Variants in USH2A observed in about 807,000 individuals in gnomAD.
USH2A encodes the protein Usher syndrome 2A (autosomal recessive, mild).
In USH2A, 443 loss-of-function variants were observed where a neutral mutation model predicts 538.9. That is an observed-to-expected ratio of 0.82 (90% CI 0.76 to 0.89). USH2A has a LOEUF of 0.89. USH2A is among the 40% of genes least tolerant of loss of function. USH2A has a pLI of 0.00. For synonymous variants in USH2A, 2,413 were observed against 2,273.5 expected, an observed-to-expected ratio of 1.06 and a Z score of -1.75; for missense variants, 6,633 against 6,324.8, an observed-to-expected ratio of 1.05 and a Z score of -1.65.
intron 5 of USH2A, among the ~76,000 whole-genome samples, chr1:216,326,554 TTAC>T (rs1423084240): frequency 1.3e-5 from 2 of 152,182 alleles, no homozygotes; most frequent in African/African-American, 4.8e-5. Flanking sequence ...TCCCAAAGAA[TTAC>T]TACAACATTG....
chr1:216,237,398 G>A (rs2035846060), intron 13 of USH2A, among the ~76,000 whole-genome samples: 1 of 150,520 alleles, frequency 6.6e-6, no homozygotes, highest in South Asian at 2.1e-4. Context: ...GATAAATATT[G>A]AGTTAGTTAT....
intron 55 of USH2A, among the ~76,000 whole-genome samples, chr1:215,770,402 G>A (rs1378073808): frequency 1.3e-5 from 2 of 151,466 alleles, no homozygotes; most frequent in Non-Finnish European, 1.5e-5. Flanking sequence ...ATACACTGTA[G>A]TTGCTCAAAA....
intron 61 of USH2A, among the ~76,000 whole-genome samples, chr1:215,725,764 C>T (rs896856292): frequency 6.6e-6 from 1 of 152,030 alleles, no homozygotes; most frequent in African/African-American, 2.4e-5. Context: ...AAATGAAAGC[C>T]ACATCAGGGA....
intron 21 of USH2A, among the ~76,000 whole-genome samples, chr1:216,149,507 G>A (rs2033790703): frequency 1.3e-5 from 2 of 152,082 alleles, no homozygotes; most frequent in South Asian, 4.1e-4. Flanking sequence ...AACTTAAAAA[G>A]GATTGGACAG....
intron 21 of USH2A, among the ~76,000 whole-genome samples, chr1:216,167,062 C>T (rs377026597): frequency 7.9e-5 from 12 of 152,030 alleles, no homozygotes; most frequent in African/African-American, 2.9e-4. Flanking sequence ...ACTGAGCCTC[C>T]CTTTTCAAAG....
chr1:216,097,765 A>G (rs1299171647), intron 21 of USH2A, among the ~76,000 whole-genome samples: 2 of 152,182 alleles, frequency 1.3e-5, no homozygotes, highest in East Asian at 3.9e-4. Context: ...AGCACATACT[A>G]GCCCTGCATA....
intron 13 of USH2A, among the ~76,000 whole-genome samples, chr1:216,239,305 C>T (rs1404044015): frequency 1.3e-5 from 2 of 152,082 alleles, no homozygotes; most frequent in African/African-American, 2.4e-5. Flanking sequence ...GAACACAACG[C>T]TTTTCGTAAG....
At chr1:216,275,773 G>A (rs1002459828) in intron 11 of USH2A, among the ~76,000 whole-genome samples, 3 of 152,232 alleles carry the variant, frequency 2.0e-5, no homozygotes, top group Non-Finnish European at 4.4e-5. Flanking sequence ...TGAGGAATGT[G>A]TCGATTCCAA....
intron 46 of USH2A, among the ~76,000 whole-genome samples, chr1:215,839,401 A>G (rs12402107): frequency 0.04 from 6,020 of 152,292 alleles, 147 homozygotes; most frequent in African/African-American, 0.069. Flanking sequence ...TCATAACTCC[A>G]TTTAAACAAA....
At position 215,693,092 on chromosome 1, in the gene USH2A, A is replaced by ATATATATGTGTG. The variant is rs371000210; in HGVS notation, c.12067-12717_12067-12716insCACACATATATA. 1.9e-3 allele frequency among the ~76,000 whole-genome samples: 245 copies of ATATATATGTGTG among 131,674 alleles called. 3 individuals carry two copies. The highest frequency in any genetic ancestry group is 6.8e-3 in the African/African-American group (236 of 34,820). 86.4% of individuals were successfully genotyped at this position (131,674 alleles called of 152,430 possible). Reference sequence around the variant, plus strand: ...TTTGTGTGTGTATATATATATATATATGTGTGTGTGTGTGTGTGTATGTGT... The same window carrying ATATATATGTGTG: ...TTTGTGTGTGTATATATATATATATATATATATGTGTGTGTGTGTGTGTGTGTGTGTATGTGT... On this transcript the variant is annotated intron_variant, in intron 61 of 71. Transcript: ENST00000307340.
chr1:216,000,292 A>T lies in USH2A; in HGVS notation c.6485+111T>A, dbSNP rs1668235757. 11 of 1,419,174 alleles carry T rather than the reference A, an allele frequency of 7.8e-6. No individual in the cohort carries two copies. The South Asian group carries it at 1.3e-4, about 17-fold the overall frequency. 87.9% of individuals were successfully genotyped at this position (1,419,174 alleles called of 1,614,324 possible). A position where few individuals can be genotyped will look rare whatever the true frequency, so the allele number is the denominator to read the frequency against. On this transcript the variant is annotated intron_variant, in intron 33 of 71. Coordinates refer to ENST00000307340, the MANE Select transcript of USH2A (RefSeq NM_206933.4). The stretch of plus-strand genomic sequence containing the variant: ...CAGATCCACTGAACTAATCACTTCT[A>T]TGCATTTAATCACAATAAAATTAAT...
At chr1:215,821,464 T>C (rs113042941) in intron 47 of USH2A, among the ~76,000 whole-genome samples, 3,675 of 151,852 alleles carry the variant, frequency 0.024, 56 homozygotes, top group Non-Finnish European at 0.028. Flanking sequence ...TTTGTTTTTG[T>C]TTTTTGCTTT....
chr1:215,900,043 A>T (rs771866867), intron 40 of USH2A, 32 bp downstream of exon 40: 2 of 1,613,322 alleles, frequency 1.2e-6, no homozygotes, highest in South Asian at 1.1e-5. Flanking sequence ...TATGTAGAAG[A>T]CATTTGGCTG....
intron 35 of USH2A, among the ~76,000 whole-genome samples, chr1:215,980,046 C>G (rs1421368557): frequency 6.6e-6 from 1 of 152,120 alleles, no homozygotes; most frequent in Non-Finnish European, 1.5e-5. Flanking sequence ...ATCTCTGTCT[C>G]TTGTAATTTC....
At chr1:215,867,447 A>C (rs1268201408) in intron 43 of USH2A, among the ~76,000 whole-genome samples, 2 of 152,208 alleles carry the variant, frequency 1.3e-5, no homozygotes, top group African/African-American at 4.8e-5. Context: ...AATGTGGTTT[A>C]TCATTTTCTT....
chr1:215,929,376 C>T (rs1303608934), intron 38 of USH2A, among the ~76,000 whole-genome samples: 2 of 152,058 alleles, frequency 1.3e-5, no homozygotes, highest in Non-Finnish European at 2.9e-5. Flanking sequence ...AAGAAAATCA[C>T]TTCCCATGCT....
chr1:216,080,524 T>C (rs530303304), intron 26 of USH2A, among the ~76,000 whole-genome samples: 1 of 152,194 alleles, frequency 6.6e-6, no homozygotes, highest in African/African-American at 2.4e-5. Flanking sequence ...TTTTAGGGAC[T>C]GAAGTGAGAT....
intron 37 of USH2A, among the ~76,000 whole-genome samples, chr1:215,949,504 A>T (rs75343118): frequency 0.032 from 4,863 of 152,124 alleles, 121 homozygotes; most frequent in South Asian, 0.083. Context: ...GAAAATAATG[A>T]CTTTACCCAT....
chr1:215,996,408 T>G (rs1668138530), intron 34 of USH2A, among the ~76,000 whole-genome samples: 1 of 152,116 alleles, frequency 6.6e-6, no homozygotes, highest in Admixed American at 6.6e-5. Context: ...TGGCTAGCAG[T>G]GGTATGAAAA....
Sources: gnomAD v4.1 joint callset for allele counts (sites outside exome capture counted in the v4.1 genomes callset) on GRCh38, gnomAD v4.1.1 for gene constraint, MANE v1.5 for transcripts, NCBI Gene and HGNC (gene_info 2026-07-23, HGNC 2026-07-21) for gene names.